Variants in TOP2A observed in about 807,000 individuals in gnomAD.
The protein encoded by TOP2A is DNA topoisomerase 2-alpha.
TOP2A carries 68 observed loss-of-function variants against 187.2 expected under a neutral mutation model. The ratio of observed to expected loss-of-function variants is 0.36; its 90% CI spans 0.30 to 0.44. The LOEUF (loss-of-function observed/expected upper bound fraction) is 0.44. Ranked by LOEUF, TOP2A falls within the 20% of genes least tolerant of loss-of-function variation. TOP2A has a pLI of 1.00. For synonymous variants in TOP2A, 542 were observed against 593.2 expected, an observed-to-expected ratio of 0.91 and a Z score of 1.25; for missense variants, 1,196 against 1,808.7, an observed-to-expected ratio of 0.66 and a Z score of 6.14.
At chr17:40,406,808 G>C in intron 14 of TOP2A, 24 bp downstream of exon 14, 1 of 1,583,198 alleles carries the variant, frequency 6.3e-7, no homozygotes, top group Non-Finnish European at 8.7e-7. Flanking sequence ...AAATATCCAT[G>C]ATGGTACTTA....
rs138090962 is a variant in TOP2A at position 40,397,532 on chromosome 17, C to T, written c.3537+1026G>A. ...AACTCCTGACCTCAAGTGATCTGCC[C>T]ACCTCAGCCTCCCAGAGTGCTGGGA... On this transcript the variant is annotated intron_variant, in intron 27 of 34. Coordinates refer to ENST00000423485, the MANE Select transcript of TOP2A (RefSeq NM_001067.4). 2.1e-3 allele frequency among the ~76,000 whole-genome samples: 322 copies of T among 151,596 alleles called. 1 individual carries two copies. The highest frequency in any genetic ancestry group is 7.5e-3 in the African/African-American group (309 of 41,322).
chr17:40,392,745 G>A lies in TOP2A; in HGVS notation c.3812-8C>T, dbSNP rs1202322164. The A allele has an allele frequency of 1.9e-6, 3 of 1,599,074 alleles. No individual in the cohort carries two copies. Among genetic ancestry groups the A allele is most frequent in the Admixed American group, 1.7e-5 (1 of 57,292 alleles). On this transcript the variant is annotated splice_polypyrimidine_tract_variant and splice_region_variant and intron_variant, in intron 29 of 34. Coordinates refer to ENST00000423485, the MANE Select transcript of TOP2A (RefSeq NM_001067.4). Reference sequence around the variant, plus strand: ...GTTTCTTTGTCTTTGTACCTAGAGGGGAGATAGAAATTAATCACCTTTATA... The same window carrying A: ...GTTTCTTTGTCTTTGTACCTAGAGGAGAGATAGAAATTAATCACCTTTATA...
intron 4 of TOP2A, among the ~76,000 whole-genome samples, chr17:40,415,553 C>G (rs2035380070): frequency 6.6e-6 from 1 of 152,202 alleles, no homozygotes; most frequent in Non-Finnish European, 1.5e-5. Context: ...TGAATAGCAT[C>G]ATGAGAAAAA....
At chr17:40,415,950 C>T (rs1421113072) in intron 4 of TOP2A, 55 bp downstream of exon 4, 4 of 1,219,308 alleles carry the variant, frequency 3.3e-6, no homozygotes, top group Non-Finnish European at 4.7e-6. Flanking sequence ...AATCAAAATA[C>T]ATGCAGCTAA....
intron 24 of TOP2A, 22 bp downstream of exon 24, chr17:40,399,850 A>G (rs752138462): frequency 1.3e-6 from 2 of 1,563,644 alleles, no homozygotes; most frequent in Middle Eastern, 1.7e-4. Flanking sequence ...TTTAGTAAGC[A>G]GTTATTATTC....
At chr17:40,399,344 A>ATT in intron 24 of TOP2A, 3 of 499,138 alleles carry the variant, frequency 6.0e-6, no homozygotes, top group East Asian at 3.5e-5. Flanking sequence ...TGATCAAATC[A>ATT]TTTTTTTTTG....
intron 17 of TOP2A, 140 bp downstream of exon 17, chr17:40,404,651 A>C: frequency 2.7e-6 from 2 of 740,600 alleles, no homozygotes; most frequent in Non-Finnish European, 4.5e-6. Flanking sequence ...TTAAAGATAA[A>C]GCAAATTTAA....
At chr17:40,390,767 A>G (rs963379489) in intron 33 of TOP2A, among the ~76,000 whole-genome samples, 23 of 151,470 alleles carry the variant, frequency 1.5e-4, no homozygotes, top group African/African-American at 4.9e-4. Flanking sequence ...AGCTGACTAC[A>G]GGCATGTGCC....
intron 19 of TOP2A, 78 bp from the exon 20 acceptor site, chr17:40,403,132 T>C (rs1239274549): frequency 3.8e-6 from 5 of 1,328,366 alleles, no homozygotes; most frequent in Non-Finnish European, 5.1e-6. Context: ...ACTATAATCC[T>C]GTAACATTTT....
chr17:40,415,862 C>A, intron 4 of TOP2A, 143 bp downstream of exon 4: 2 of 594,148 alleles, frequency 3.4e-6, no homozygotes, highest in Non-Finnish European at 6.1e-6. Flanking sequence ...TGGTGGGTAT[C>A]CATAGGTTTT....
intron 19 of TOP2A, among the ~76,000 whole-genome samples, chr17:40,403,490 T>G (rs2035205789): frequency 6.6e-6 from 1 of 152,232 alleles, no homozygotes; most frequent in African/African-American, 2.4e-5. Flanking sequence ...AAATGTTCGT[T>G]GGGTGAAAAT....
At chr17:40,394,787 T>G (rs1360944572) in intron 29 of TOP2A, among the ~76,000 whole-genome samples, 2 of 152,260 alleles carry the variant, frequency 1.3e-5, no homozygotes, top group Non-Finnish European at 2.9e-5. Flanking sequence ...CGAAGCATGA[T>G]GTTGAACTCT....
intron 12 of TOP2A, 97 bp from the exon 13 acceptor site, chr17:40,407,771 G>A (rs2035266914): frequency 6.3e-6 from 8 of 1,278,350 alleles, no homozygotes; most frequent in Non-Finnish European, 8.6e-6. Context: ...TTGAGCTCCA[G>A]TATTTTGAGC....
At chr17:40,391,430 TA>T (rs562403375) in intron 33 of TOP2A, 75 bp downstream of exon 33, 5 of 1,412,752 alleles carry the variant, frequency 3.5e-6, no homozygotes, top group South Asian at 1.5e-5. Context: ...GTTTTGGCAA[TA>T]AAAAAATTGA....
chr17:40,406,968 C>T lies in TOP2A; in HGVS notation c.1627-26G>A, dbSNP rs1237147751. On this transcript the variant is annotated intron_variant, in intron 13 of 34. Coordinates refer to ENST00000423485, the MANE Select transcript of TOP2A (RefSeq NM_001067.4). ...CTAGAAAGATTTGAAAGCCAAAGTT[C>T]AAAAGAACTGTTAGGCTGGGCGTGG... The T allele has an allele frequency of 3.3e-6, 5 of 1,535,460 alleles. No individual in the cohort carries two copies. The South Asian group carries it at 5.9e-5, about 18-fold the overall frequency.
rs562922017 is a variant in TOP2A at position 40,388,896 on chromosome 17, C to T, written c.*623G>A. 3.4e-5 allele frequency: 7 copies of T among 203,320 alleles called. No individual in the cohort carries two copies. The East Asian group carries it at 5.3e-4, about 15-fold the overall frequency. 12.6% of individuals were successfully genotyped at this position (203,320 alleles called of 1,614,324 possible). A position where few individuals can be genotyped will look rare whatever the true frequency, so the allele number is the denominator to read the frequency against. ...CATAACTACTCTAATTTTCTTCATT[C>T]TATTGACTGTGTCAAGTTATAGACA... On this transcript the variant is annotated 3_prime_UTR_variant, in exon 35 of 35. Transcript: ENST00000423485.
intron 19 of TOP2A, 143 bp from the exon 20 acceptor site, chr17:40,403,197 A>G (rs2035202305): frequency 1.3e-6 from 1 of 769,028 alleles, no homozygotes; most frequent in Admixed American, 3.2e-5. Flanking sequence ...CAGAAATAGT[A>G]CTTGAACCTA....
At chr17:40,412,253 T>C (rs1312329190) in intron 7 of TOP2A, among the ~76,000 whole-genome samples, 1 of 152,164 alleles carries the variant, frequency 6.6e-6, no homozygotes, top group African/African-American at 2.4e-5. Context: ...AGGTGTTTCT[T>C]TGAGAAAGAA....
chr17:40,396,630 C>T (rs2035103638), intron 27 of TOP2A, among the ~76,000 whole-genome samples, 165 bp from the exon 28 acceptor site: 1 of 152,182 alleles, frequency 6.6e-6, no homozygotes, highest in South Asian at 2.1e-4. Context: ...GTAATTAAAA[C>T]ACACCTTGAA....
Sources: allele counts gnomAD v4.1 joint callset (sites outside exome capture counted in the v4.1 genomes callset), GRCh38; gene constraint gnomAD v4.1.1; transcripts MANE v1.5; gene names NCBI Gene and HGNC (gene_info 2026-07-23, HGNC 2026-07-21).